The following PSAT1 variants were observed in gnomAD, a reference collection of about 807,000 sequenced individuals.
The protein encoded by PSAT1 is phosphoserine aminotransferase.
PSAT1 carries 41 observed loss-of-function variants against 40.3 expected under a neutral mutation model. That is an observed-to-expected ratio of 1.02 (90% CI 0.79 to 1.32). The LOEUF is 1.32. Among genes scored for constraint, PSAT1 ranks in the 40% most tolerant of loss-of-function variants. The probability of loss-of-function intolerance (pLI) is 0.00; values close to 1 mark genes in which losing one functional copy is unlikely to be tolerated. For missense variants in PSAT1, 406 were observed against 455.8 expected (o/e 0.89, Z 0.99); for synonymous variants, 147 against 170.5 (o/e 0.86, Z 1.07).
intron 6 of PSAT1, 88 bp downstream of exon 6, chr9:78,308,671 T>C: frequency 6.6e-7 from 1 of 1,509,800 alleles, no homozygotes; most frequent in Non-Finnish European, 9.0e-7. Flanking sequence ...ATAAAACATG[T>C]AAGCCTGGGC....
chr9:78,301,064 A>C (rs974130733), intron 2 of PSAT1, among the ~76,000 whole-genome samples: 5 of 152,078 alleles, frequency 3.3e-5, no homozygotes, highest in African/African-American at 1.2e-4. Context: ...TAAATGCATC[A>C]AATATAGAAT....
intron 7 of PSAT1, among the ~76,000 whole-genome samples, chr9:78,321,339 GT>G (rs1439093531): frequency 6.6e-6 from 1 of 152,202 alleles, no homozygotes; most frequent in East Asian, 1.9e-4. Context: ...TCTCTCCTCT[GT>G]TTATAGCTGG....
chr9:78,309,401 T>A (rs1828233859), intron 6 of PSAT1, among the ~76,000 whole-genome samples: 1 of 152,244 alleles, frequency 6.6e-6, no homozygotes, highest in South Asian at 2.1e-4. Context: ...TCTCGCTCTG[T>A]TGCCAGCCTG....
intron 7 of PSAT1, among the ~76,000 whole-genome samples, chr9:78,320,322 T>TTCCATCCA (rs35802652): frequency 0.29 from 42,255 of 145,950 alleles, 8,326 homozygotes; most frequent in African/African-American, 0.56. Flanking sequence ...TCCATCAATC[T>TTCCATCCA]TCCATCCATC....
intron 1 of PSAT1, among the ~76,000 whole-genome samples, 194 bp downstream of exon 1, chr9:78,297,464 G>A (rs567435766): frequency 6.6e-6 from 1 of 152,372 alleles, no homozygotes; most frequent in South Asian, 2.1e-4. Flanking sequence ...TGGTGAGGAA[G>A]CTCGGCGAGG....
chr9:78,297,337 A>G, intron 1 of PSAT1, 67 bp downstream of exon 1: 2 of 1,520,876 alleles, frequency 1.3e-6, no homozygotes, highest in African/African-American at 2.7e-5. Flanking sequence ...GTGGGTTTGC[A>G]TCCCTGCGTG....
chr9:78,320,322 T>TTCCA (rs35802652), intron 7 of PSAT1, among the ~76,000 whole-genome samples: 63,872 of 145,918 alleles, frequency 0.44, 16,393 homozygotes, highest in Non-Finnish European at 0.58. Context: ...TCCATCAATC[T>TTCCA]TCCATCCATC....
At chr9:78,318,608 C>A (rs1297253311) in intron 7 of PSAT1, among the ~76,000 whole-genome samples, 1 of 152,190 alleles carries the variant, frequency 6.6e-6, no homozygotes, top group African/African-American at 2.4e-5. Flanking sequence ...GTGGCTGCAT[C>A]ACTCCAGCCT....
Position 78,317,767 on chromosome 9 carries a change from A to T in PSAT1, c.832A>T (p.Ile278Phe). The change falls in exon 7 of 9, where the codon ATT (isoleucine) becomes TTT (phenylalanine). Residue 278 changes from isoleucine to phenylalanine, a missense_variant. By Grantham distance (21) the Ile-to-Phe change is conservative. Coordinates refer to ENST00000376588, the MANE Select transcript of PSAT1 (RefSeq NM_058179.4). ...GCTTAGCTCCATCAAATCTCAAACAATTTATGAGATTATTGATAATTCTCA... is the reference window on the plus strand; with the variant it reads ...GCTTAGCTCCATCAAATCTCAAACATTTTATGAGATTATTGATAATTCTCA... ...EKLSSIKSQT[I>F]YEIIDNSQGF... The T allele has an allele frequency of 6.2e-7, 1 of 1,612,894 alleles. No homozygotes were observed. Among genetic ancestry groups the T allele is most frequent in the Non-Finnish European group, 8.5e-7 (1 of 1,179,328 alleles).
rs1828215906 is a variant in PSAT1 at position 78,308,403 on chromosome 9, C to G, written c.571-11C>G. On this transcript the variant is annotated splice_polypyrimidine_tract_variant and intron_variant, in intron 5 of 8. Coordinates refer to ENST00000376588, the MANE Select transcript of PSAT1 (RefSeq NM_058179.4). Reference sequence around the variant, plus strand: ...AATCCTTCTTAAGCAGCATGTCTTTCTCTTTTTAAGTTTGGTGTGATTTTT... The same window carrying G: ...AATCCTTCTTAAGCAGCATGTCTTTGTCTTTTTAAGTTTGGTGTGATTTTT... The G allele has an allele frequency of 2.1e-5, 34 of 1,612,664 alleles. No individual in the cohort carries two copies. Among genetic ancestry groups the G allele is most frequent in the Non-Finnish European group, 2.8e-5 (33 of 1,179,328 alleles).
At chr9:78,323,996 G>A (rs142926960) in intron 7 of PSAT1, among the ~76,000 whole-genome samples, 1 of 152,080 alleles carries the variant, frequency 6.6e-6, no homozygotes, top group Admixed American at 6.5e-5. Context: ...GTTCCCTTCT[G>A]AGCCTTACCA....
chr9:78,317,798 T>A lies in PSAT1; in HGVS notation c.863T>A (p.Phe288Tyr), dbSNP rs553281141. 6.2e-7 allele frequency: 1 copy of A among 1,612,674 alleles called. No individual in the cohort carries two copies. The highest frequency in any genetic ancestry group is 8.5e-7 in the Non-Finnish European group (1 of 1,179,812). Residue 288 changes from phenylalanine (F) to tyrosine (Y), a missense_variant, in exon 7 of 9, where the codon TTC becomes TAC. By Grantham distance (22) the Phe-to-Tyr change is conservative. Transcript: ENST00000376588. Reference protein sequence around the residue: ...IYEIIDNSQGFYVCPVEPQNR... With the variant: ...IYEIIDNSQGYYVCPVEPQNR... ...GAGATTATTGATAATTCTCAAGGAT[T>A]CTACGTGTAAGTCAATGGATTTTAT... is the stretch of plus-strand genomic sequence containing the variant.
intron 1 of PSAT1, among the ~76,000 whole-genome samples, chr9:78,297,748 A>G (rs1828047552): frequency 6.6e-6 from 1 of 152,240 alleles, no homozygotes; most frequent in African/African-American, 2.4e-5. Flanking sequence ...TGAACCGATG[A>G]CAGGTTTTGC....
chr9:78,300,709 G>A (rs1220221562), intron 2 of PSAT1, 47 bp downstream of exon 2: 21 of 1,176,122 alleles, frequency 1.8e-5, no homozygotes, highest in Non-Finnish European at 2.0e-5. Flanking sequence ...TTCAAAGGAA[G>A]CTTTTTTTTT....
chr9:78,312,232 T>C (rs1340639371), intron 6 of PSAT1, among the ~76,000 whole-genome samples: 1 of 152,140 alleles, frequency 6.6e-6, no homozygotes, highest in Non-Finnish European at 1.5e-5. Context: ...CCCCAATTAG[T>C]GCATAGAGAA....
chr9:78,318,784 A>C (rs1254571955), intron 7 of PSAT1, among the ~76,000 whole-genome samples: 1 of 152,220 alleles, frequency 6.6e-6, no homozygotes, highest in Non-Finnish European at 1.5e-5. Flanking sequence ...AATAGGTCAT[A>C]TTCACAGATT....
chr9:78,314,306 G>A (rs1343288843), intron 6 of PSAT1, among the ~76,000 whole-genome samples: 4 of 132,106 alleles, frequency 3.0e-5, no homozygotes, highest in Non-Finnish European at 3.2e-5. Flanking sequence ...CTCCTATCCT[G>A]TGTTAAGTAG....
intron 7 of PSAT1, among the ~76,000 whole-genome samples, chr9:78,319,951 T>C (rs539342821): frequency 6.6e-6 from 1 of 150,990 alleles, no homozygotes; most frequent in Admixed American, 6.6e-5. Context: ...CACCCACCCA[T>C]CCACCCACCT....
chr9:78,325,063 A>G (rs1405807340), intron 7 of PSAT1, among the ~76,000 whole-genome samples: 2 of 152,158 alleles, frequency 1.3e-5, no homozygotes, highest in Non-Finnish European at 2.9e-5. Context: ...GTAAATACAC[A>G]AACACAATAT....
Sources: gnomAD v4.1 joint callset for allele counts (sites outside exome capture counted in the v4.1 genomes callset) on GRCh38, gnomAD v4.1.1 for gene constraint, MANE v1.5 for transcripts, NCBI Gene and HGNC (gene_info 2026-07-23, HGNC 2026-07-21) for gene names.